The following ZNF283 variants were observed in gnomAD, a reference collection of about 807,000 sequenced individuals.
ZNF283 encodes the protein zinc finger protein 283.
A neutral mutation model predicts 9.2 loss-of-function variants in ZNF283; 10 were observed. That is an observed-to-expected ratio of 1.09 (90% confidence interval 0.67 to 1.85). ZNF283 has a LOEUF of 1.85. ZNF283 is among the 40% of genes most tolerant of loss of function. The pLI is 0.00. For synonymous variants in ZNF283, 234 were observed against 244.1 expected (o/e 0.96, Z 0.38); for missense variants, 631 against 760.1 (o/e 0.83, Z 2.00).
chr19:43,829,460 G>C (rs1970609988), intron 2 of ZNF283, among the ~76,000 whole-genome samples: 1 of 152,158 alleles, frequency 6.6e-6, no homozygotes, highest in African/African-American at 2.4e-5. Context: ...TCTGCCTGTT[G>C]GTAGCTGTGT....
chr19:43,831,225 A>G (rs1018577793), intron 2 of ZNF283, 93 bp from the exon 3 acceptor site: 2 of 786,286 alleles, frequency 2.5e-6, no homozygotes, highest in Admixed American at 2.3e-5. Context: ...CTTACAGAGT[A>G]TCTACTCTAT....
At position 43,847,961 on chromosome 19, in the gene ZNF283, A is replaced by G. The variant is rs1208897558; in HGVS notation, c.1360A>G (p.Thr454Ala). Residue 454 changes from threonine (T) to alanine (A), a missense_variant, in exon 7 of 7, where the codon ACT (threonine) becomes GCT (alanine). Physicochemically the swap from Thr to Ala is moderately conservative, Grantham distance 58 (BLOSUM62 0). This residue lies in a region of ZNF283 where 444 missense variants were observed against 522.5 expected (regional missense o/e 0.85). Transcript: ENST00000618787. ...CCTTTCTCAACATCAGAAAATCCAT[A>G]CTGGTGAGAAACCTTTTGAATGTAA... ...YHLSQHQKIH[T>A]GEKPFECKEC... 1.2e-6 allele frequency: 2 copies of G among 1,613,864 alleles called. No homozygotes were observed. Among genetic ancestry groups the G allele is most frequent in the Non-Finnish European group, 1.7e-6 (2 of 1,179,912 alleles).
chr19:43,847,186 T>C lies in ZNF283; in HGVS notation c.585T>C (p.Thr195=). The change falls in exon 7 of 7, where the codon ACT becomes ACC. Residue 195 remains threonine, a synonymous_variant. Coordinates refer to ENST00000618787, the MANE Select transcript of ZNF283 (RefSeq NM_181845.2). Reference sequence around the variant, plus strand: ...CTTACAGAAAAAGTAAATCTCTTACTCCACATCAAAGAATTCATAATACAG... The same window carrying C: ...CTTACAGAAAAAGTAAATCTCTTACCCCACATCAAAGAATTCATAATACAG... ...IPSYRKSKSL[T]PHQRIHNTEK... The C allele has an allele frequency of 6.2e-7, 1 of 1,613,816 alleles. No homozygotes were observed. Among genetic ancestry groups the C allele is most frequent in the South Asian group, 1.1e-5 (1 of 91,076 alleles).
chr19:43,849,309 A>G lies in ZNF283; in HGVS notation c.*668A>G, dbSNP rs1270479695. On this transcript the variant is annotated 3_prime_UTR_variant, in exon 7 of 7. Coordinates refer to ENST00000618787, the MANE Select transcript of ZNF283 (RefSeq NM_181845.2). ...ACATTTCCATAACATTCTGTTTTAC[A>G]AAATTATCAGTCCATAAATGATTGA... 2.0e-5 allele frequency: 3 copies of G among 152,324 alleles called. No homozygotes were observed. The highest frequency in any genetic ancestry group is 7.2e-5 in the African/African-American group (3 of 41,584). 9.4% of individuals were successfully genotyped at this position (152,324 alleles called of 1,614,324 possible). A position where few individuals can be genotyped will look rare whatever the true frequency, so the allele number is the denominator to read the frequency against.
chr19:43,829,574 T>C (rs956573114), intron 2 of ZNF283, among the ~76,000 whole-genome samples: 1 of 152,172 alleles, frequency 6.6e-6, no homozygotes, highest in Non-Finnish European at 1.5e-5. Context: ...AGATATTATA[T>C]GTAAAGCTTC....
chr19:43,833,672 A>G (rs1401725873), intron 4 of ZNF283, 46 bp downstream of exon 4: 3 of 154,898 alleles, frequency 1.9e-5, no homozygotes, highest in African/African-American at 4.9e-5. Flanking sequence ...GTTTTAGTAG[A>G]GACGGGGTTT....
chr19:43,830,615 G>A (rs1970662744), intron 2 of ZNF283, among the ~76,000 whole-genome samples: 1 of 151,972 alleles, frequency 6.6e-6, no homozygotes, highest in Non-Finnish European at 1.5e-5. Flanking sequence ...AAAAATATTA[G>A]TGTCCAGCTG....
Position 43,848,007 on chromosome 19 carries a change from G to C in ZNF283, c.1406G>C (p.Ser469Thr). ...TGTAAGGAATGTGGGAAGGCCTTTA[G>C]TTGGGGTTCAAGCCTTGTTAAACAT... ...FECKECGKAF[S>T]WGSSLVKHER... The change falls in exon 7 of 7, where the codon AGT becomes ACT. Residue 469 changes from serine (S) to threonine (T), a missense_variant. Physicochemically the swap from Ser to Thr is moderately conservative, Grantham distance 58. Coordinates refer to ENST00000618787, the MANE Select transcript of ZNF283 (RefSeq NM_181845.2). The C allele has an allele frequency of 1.2e-6, 2 of 1,613,608 alleles. No homozygotes were observed. Among genetic ancestry groups the C allele is most frequent in the Non-Finnish European group, 1.7e-6 (2 of 1,179,838 alleles).
Position 43,848,777 on chromosome 19 carries a change from C to A in ZNF283, c.*136C>A. ...TTTCTGTTTATGGGCAATTATCTTGCTATCCAGCAATTCATACTAGTGAGA... is the reference window on the plus strand; with the variant it reads ...TTTCTGTTTATGGGCAATTATCTTGATATCCAGCAATTCATACTAGTGAGA... On this transcript the variant is annotated 3_prime_UTR_variant, in exon 7 of 7. Transcript: ENST00000618787. The A allele has an allele frequency of 1.2e-6, 1 of 814,140 alleles. No homozygotes were observed. Among genetic ancestry groups the A allele is most frequent in the Non-Finnish European group, 1.8e-6 (1 of 555,634 alleles). The allele number at this position is 814,140 out of a possible 1,614,324, so 50.4% of individuals were successfully genotyped here.
At chr19:43,835,220 T>C (rs1368542226) in intron 4 of ZNF283, among the ~76,000 whole-genome samples, 2 of 152,178 alleles carry the variant, frequency 1.3e-5, no homozygotes, top group African/African-American at 4.8e-5. Flanking sequence ...GCTTGGACCA[T>C]GACAGGTATT....
At chr19:43,838,865 T>G (rs747902100) in intron 6 of ZNF283, among the ~76,000 whole-genome samples, 4 of 152,256 alleles carry the variant, frequency 2.6e-5, no homozygotes, top group Non-Finnish European at 4.4e-5. Context: ...AGGTTCATCT[T>G]GTATGAAATT....
chr19:43,843,955 A>G (rs544054109), intron 6 of ZNF283, among the ~76,000 whole-genome samples: 59 of 152,306 alleles, frequency 3.9e-4, no homozygotes, highest in African/African-American at 1.3e-3. Context: ...TATACTTCAT[A>G]TATATGATTT....
At position 43,848,319 on chromosome 19, in the gene ZNF283, G is replaced by A. The variant is rs972679149; in HGVS notation, c.1718G>A (p.Cys573Tyr). The A allele has an allele frequency of 1.9e-6, 3 of 1,613,526 alleles. No homozygotes were observed. Among genetic ancestry groups the A allele is most frequent in the African/African-American group, 2.7e-5 (2 of 74,880 alleles). Residue 573 changes from cysteine to tyrosine, a missense_variant, in exon 7 of 7, where the codon TGT (cysteine) becomes TAT (tyrosine). Physicochemically the swap from Cys to Tyr is radical, Grantham distance 194. This residue lies in a region of ZNF283 where 444 missense variants were observed against 522.5 expected (regional missense o/e 0.85). Coordinates refer to ENST00000618787, the MANE Select transcript of ZNF283 (RefSeq NM_181845.2). ...CATACCGGTGAGAAACCTTTCAAAT[G>A]TAAGGAATGTGGGAAGGCCTTCAGT... ...KIHTGEKPFK[C>Y]KECGKAFSWG...
At chr19:43,843,048 G>A (rs1035146487) in intron 6 of ZNF283, among the ~76,000 whole-genome samples, 3 of 152,126 alleles carry the variant, frequency 2.0e-5, no homozygotes, top group Admixed American at 2.0e-4. Context: ...AGTTGTTTAA[G>A]TTGTGAGTTA....
intron 2 of ZNF283, among the ~76,000 whole-genome samples, chr19:43,829,765 T>C (rs974354277): frequency 6.6e-6 from 1 of 152,152 alleles, no homozygotes; most frequent in African/African-American, 2.4e-5. Flanking sequence ...GGCTCACACC[T>C]GTAATCCCAG....
At chr19:43,841,066 T>C (rs1368032099) in intron 6 of ZNF283, 2 of 152,146 alleles carry the variant, frequency 1.3e-5, no homozygotes, top group African/African-American at 4.8e-5. Context: ...TAGAGCTTCC[T>C]ATTTCATCAT....
chr19:43,840,397 G>A (rs186788136), intron 6 of ZNF283, among the ~76,000 whole-genome samples: 4 of 152,224 alleles, frequency 2.6e-5, no homozygotes, highest in Admixed American at 6.5e-5. Context: ...ACAAGGTCAC[G>A]CTGCCCACCC....
chr19:43,831,911 G>A (rs1970726103), intron 3 of ZNF283, among the ~76,000 whole-genome samples: 1 of 152,124 alleles, frequency 6.6e-6, no homozygotes, highest in Non-Finnish European at 1.5e-5. Flanking sequence ...TTACAGGCGT[G>A]AGCCACCACA....
At chr19:43,833,282 C>T (rs947298646) in intron 3 of ZNF283, among the ~76,000 whole-genome samples, 1 of 151,926 alleles carries the variant, frequency 6.6e-6, no homozygotes, top group African/African-American at 2.4e-5. Context: ...ACCGGCCTGC[C>T]TAAGGAATTG....
Sources: gnomAD v4.1 joint callset for allele counts (sites outside exome capture counted in the v4.1 genomes callset) on GRCh38, gnomAD v4.1.1 for gene constraint, gnomAD v4.1.1 regional missense constraint, MANE v1.5 for transcripts, NCBI Gene and HGNC (gene_info 2026-07-23, HGNC 2026-07-21) for gene names.